MARK4: variants seen among roughly 807,000 people sequenced by gnomAD.
MARK4 encodes the protein MAP/microtubule affinity-regulating kinase 4.
MARK4 carries 19 observed loss-of-function variants against 81.5 expected under a neutral mutation model. That is an observed-to-expected ratio of 0.23 (90% CI 0.16 to 0.34). The LOEUF (loss-of-function observed/expected upper bound fraction) is 0.34. Among genes scored for constraint, MARK4 ranks in the 10% least tolerant of loss-of-function variants. MARK4 has a pLI of 1.00. For missense variants in MARK4, 772 were observed against 1,058.8 expected, an observed-to-expected ratio of 0.73 and a Z score of 3.76; for synonymous variants, 436 against 439.0, an observed-to-expected ratio of 0.99 and a Z score of 0.08.
intron 7 of MARK4, among the ~76,000 whole-genome samples, chr19:45,270,391 A>G (rs956166584): frequency 5.3e-5 from 8 of 152,114 alleles, no homozygotes; most frequent in African/African-American, 1.9e-4. Context: ...TTGATAGTCC[A>G]CAGAGCCCAG....
chr19:45,270,348 A>C (rs984861146), intron 7 of MARK4, among the ~76,000 whole-genome samples: 22 of 152,100 alleles, frequency 1.4e-4, no homozygotes, highest in African/African-American at 4.8e-4. Flanking sequence ...CTGTCGTTTC[A>C]CCTTCACGTT....
intron 8 of MARK4, among the ~76,000 whole-genome samples, chr19:45,274,031 C>G (rs1418752763): frequency 1.3e-5 from 2 of 151,940 alleles, no homozygotes; most frequent in Non-Finnish European, 2.9e-5. Context: ...GGGCGGATCA[C>G]GAGGTCAGGA....
chr19:45,279,405 T>C (rs1207026152), intron 10 of MARK4, among the ~76,000 whole-genome samples: 1 of 152,026 alleles, frequency 6.6e-6, no homozygotes, highest in African/African-American at 2.4e-5. Flanking sequence ...TAATCCCAGC[T>C]CCTCTGGAGG....
chr19:45,289,292 C>G (rs1970790245), intron 13 of MARK4, among the ~76,000 whole-genome samples: 1 of 145,244 alleles, frequency 6.9e-6, no homozygotes, highest in African/African-American at 2.6e-5. Context: ...GAGGCTGAGG[C>G]AGGAGAATTG....
chr19:45,254,724 T>C (rs1399216717), intron 1 of MARK4, among the ~76,000 whole-genome samples: 1 of 152,196 alleles, frequency 6.6e-6, no homozygotes, highest in Admixed American at 6.5e-5. Context: ...ACTGCCCAGC[T>C]GTGGGGAGGT....
chr19:45,271,818 C>T lies in MARK4; in HGVS notation c.786+110C>T. On this transcript the variant is annotated intron_variant, in intron 8 of 16. Transcript: ENST00000262891. This position sits in a 1 kb window ranked among gnomAD's most constrained non-coding sequence, Gnocchi z 4.1. ...CTCAGTGGTGGGACTGGCCTGAGTTCTCATGGGAAGATGGGGGATGGGCAG... is the reference window on the plus strand; with the variant it reads ...CTCAGTGGTGGGACTGGCCTGAGTTTTCATGGGAAGATGGGGGATGGGCAG... The T allele has an allele frequency of 9.5e-7, 1 of 1,052,256 alleles. No individual in the cohort carries two copies. The highest frequency in any genetic ancestry group is 1.5e-5 in the South Asian group (1 of 65,582). The allele number at this position is 1,052,256 out of a possible 1,614,324, so 65.2% of individuals were successfully genotyped here. A position where few individuals can be genotyped will look rare whatever the true frequency, so the allele number is the denominator to read the frequency against.
At position 45,292,805 on chromosome 19, in the gene MARK4, G is replaced by A. The variant is rs1266281191; in HGVS notation, c.1495-1544G>A. Among the ~76,000 whole-genome samples, 6 of 151,926 alleles carry A rather than the reference G, an allele frequency of 3.9e-5. No individual in the cohort carries two copies. The South Asian group carries it at 8.3e-4, about 21-fold the overall frequency. The stretch of plus-strand genomic sequence containing the variant: ...AGGATCCACTTGAGGCCAGGAGGTC[G>A]AGGCTGCAGTGAGCCATGATCACCC... On this transcript the variant is annotated intron_variant, in intron 13 of 16. Coordinates refer to ENST00000262891, the MANE Select transcript of MARK4 (RefSeq NM_001199867.2).
intron 1 of MARK4, among the ~76,000 whole-genome samples, chr19:45,255,221 C>T (rs2123020957): frequency 6.7e-6 from 1 of 150,300 alleles, no homozygotes; most frequent in East Asian, 2.0e-4. Flanking sequence ...AAAAAAGGTT[C>T]AGGTGTGAGA....
chr19:45,266,486 T>TG (rs2123044231), intron 7 of MARK4, among the ~76,000 whole-genome samples: 1 of 151,462 alleles, frequency 6.6e-6, no homozygotes, highest in East Asian at 1.9e-4. Context: ...GGGGAGCGGA[T>TG]GGGGGGGAGG....
intron 13 of MARK4, among the ~76,000 whole-genome samples, chr19:45,289,241 G>T (rs1472328182): frequency 2.0e-5 from 3 of 151,840 alleles, no homozygotes; most frequent in Non-Finnish European, 4.4e-5. Flanking sequence ...ACAAAAATTA[G>T]CTGGCTGTGG....
chr19:45,287,484 C>T lies in MARK4; in HGVS notation c.1314C>T (p.Ser438=), dbSNP rs1390937034. 4 of 1,496,496 alleles carry T rather than the reference C, an allele frequency of 2.7e-6. No homozygotes were observed. The highest frequency in any genetic ancestry group is 3.6e-6 in the Non-Finnish European group (4 of 1,117,916). 92.7% of individuals were successfully genotyped at this position (1,496,496 alleles called of 1,614,324 possible). Residue 438 remains serine (S), a synonymous_variant, in exon 13 of 17, where the codon AGC becomes AGT. Transcript: ENST00000262891. Reference sequence around the variant, plus strand: ...CTGCACCCCTGCACCCCAAACGCAGCCCGACGAGCACGGGGGAGGCGGAGC... The same window carrying T: ...CTGCACCCCTGCACCCCAAACGCAGTCCGACGAGCACGGGGGAGGCGGAGC... ...PSPAPLHPKR[S]PTSTGEAELK...
At chr19:45,299,946 AG>A (rs1970946147) in intron 16 of MARK4, 91 bp downstream of exon 16, 4 of 1,263,700 alleles carry the variant, frequency 3.2e-6, no homozygotes, top group Non-Finnish European at 4.3e-6. Context: ...ATGGGGCCCC[AG>A]TCTCATCCTG....
chr19:45,277,451 T>C (rs1192414744), intron 8 of MARK4, among the ~76,000 whole-genome samples: 4 of 151,192 alleles, frequency 2.6e-5, no homozygotes, highest in Non-Finnish European at 1.5e-5. Flanking sequence ...TTTTTTTTTT[T>C]TGTAGAGACA....
intron 15 of MARK4, 111 bp downstream of exon 15, chr19:45,298,065 C>CTCGTT: frequency 2.6e-6 from 4 of 1,543,158 alleles, no homozygotes; most frequent in Non-Finnish European, 3.5e-6. Flanking sequence ...CTTCCTCCTC[C>CTCGTT]TCCTCCTCCT....
Position 45,277,909 on chromosome 19 carries a change from C to A in MARK4, c.787-14C>A, listed in dbSNP as rs779251525. On this transcript the variant is annotated splice_polypyrimidine_tract_variant and intron_variant, in intron 8 of 16. Coordinates refer to ENST00000262891, the MANE Select transcript of MARK4 (RefSeq NM_001199867.2). ...CGGGGCAGACCCCCTCCTCCAGTAA[C>A]CCCATCCCTGCAGGAGCTGCGGGAG... The A allele has an allele frequency of 1.9e-6, 3 of 1,609,680 alleles. No homozygotes were observed. The highest frequency in any genetic ancestry group is 1.7e-5 in the Admixed American group (1 of 59,376).
chr19:45,298,082 C>T, intron 15 of MARK4, 128 bp downstream of exon 15: 3 of 1,388,202 alleles, frequency 2.2e-6, no homozygotes, highest in Non-Finnish European at 3.0e-6. Flanking sequence ...TCCTCGTTTC[C>T]TCCTCCTCCT....
intron 7 of MARK4, among the ~76,000 whole-genome samples, chr19:45,266,923 G>C (rs562092105): frequency 6.6e-6 from 1 of 151,554 alleles, no homozygotes; most frequent in Non-Finnish European, 1.5e-5. Flanking sequence ...TAGTAGAGAC[G>C]GGGTTTCACC....
intron 1 of MARK4, among the ~76,000 whole-genome samples, chr19:45,256,864 C>G (rs1156548368): frequency 1.3e-5 from 2 of 152,156 alleles, no homozygotes; most frequent in Non-Finnish European, 2.9e-5. Flanking sequence ...CAATTTGTGT[C>G]TCTGTCACAT....
At chr19:45,276,760 G>T (rs1478304376) in intron 8 of MARK4, among the ~76,000 whole-genome samples, 1 of 151,494 alleles carries the variant, frequency 6.6e-6, no homozygotes, top group Non-Finnish European at 1.5e-5. Flanking sequence ...CGCGTAGCTG[G>T]GATTACAGGG....
Sources: allele counts gnomAD v4.1 joint callset (sites outside exome capture counted in the v4.1 genomes callset), GRCh38; gene constraint gnomAD v4.1.1; non-coding constraint Gnocchi (gnomAD v3.1); transcripts MANE v1.5; gene names NCBI Gene and HGNC (gene_info 2026-07-23, HGNC 2026-07-21).